The following LHFPL2 variants were observed in gnomAD, a reference collection of about 807,000 sequenced individuals.
The protein encoded by LHFPL2 is LHFPL tetraspan subfamily member 2, also known as LHFPL tetraspan subfamily member 2 protein.
A neutral mutation model predicts 17.5 loss-of-function variants in LHFPL2; 7 were observed. That is an observed-to-expected ratio of 0.40 (90% CI 0.23 to 0.75). The LOEUF is 0.75. Ranked by LOEUF, LHFPL2 falls within the 30% of genes least tolerant of loss-of-function variation. The pLI is 0.37. For synonymous variants in LHFPL2, 134 were observed against 116.2 expected (o/e 1.15, Z -0.99); for missense variants, 241 against 294.8 (o/e 0.82, Z 1.34).
At chr5:78,502,553 G>A (rs540218589) in intron 4 of LHFPL2, among the ~76,000 whole-genome samples, 10 of 152,270 alleles carry the variant, frequency 6.6e-5, no homozygotes, top group African/African-American at 2.4e-4. Context: ...TATGAAATAC[G>A]TTCTCCATAA....
At chr5:78,546,977 T>A (rs1712566149) in intron 3 of LHFPL2, among the ~76,000 whole-genome samples, 1 of 151,720 alleles carries the variant, frequency 6.6e-6, no homozygotes, top group Non-Finnish European at 1.5e-5. Context: ...CAACCCCAGT[T>A]CTGCATAGGA....
chr5:78,612,500 GTT>G (rs752463179), intron 2 of LHFPL2, among the ~76,000 whole-genome samples: 9 of 152,184 alleles, frequency 5.9e-5, no homozygotes, highest in Non-Finnish European at 1.2e-4. Context: ...AGAGAGGAGA[GTT>G]TGCTATAAAA....
chr5:78,631,431 T>C (rs952141422), intron 2 of LHFPL2, among the ~76,000 whole-genome samples: 1 of 152,136 alleles, frequency 6.6e-6, no homozygotes, highest in East Asian at 1.9e-4. Context: ...TTATTGAAAA[T>C]CTGCTCCATG....
chr5:78,518,119 G>C (rs1424760682), intron 3 of LHFPL2, among the ~76,000 whole-genome samples: 45 of 152,212 alleles, frequency 3.0e-4, no homozygotes, highest in Admixed American at 2.9e-3. Flanking sequence ...ATTAAAACTT[G>C]AATTTCAGGA....
chr5:78,620,969 CTTT>C (rs34853039), intron 2 of LHFPL2, among the ~76,000 whole-genome samples: 23 of 141,670 alleles, frequency 1.6e-4, no homozygotes, highest in Non-Finnish European at 2.3e-4. Flanking sequence ...TCTCAAACTC[CTTT>C]TTTTTTTTTT....
chr5:78,531,029 C>T (rs1263743819), intron 3 of LHFPL2, among the ~76,000 whole-genome samples: 2 of 152,180 alleles, frequency 1.3e-5, no homozygotes, highest in Non-Finnish European at 2.9e-5. Context: ...TAGAGTAGGA[C>T]TCAGCAGAGG....
chr5:78,576,687 CT>C (rs1318688709), intron 2 of LHFPL2, among the ~76,000 whole-genome samples: 1 of 152,228 alleles, frequency 6.6e-6, no homozygotes, highest in Non-Finnish European at 1.5e-5. Context: ...TTTTCTTTGA[CT>C]TTTCAATTCT....
chr5:78,595,182 T>A (rs1743781840), intron 2 of LHFPL2, among the ~76,000 whole-genome samples: 1 of 152,210 alleles, frequency 6.6e-6, no homozygotes, highest in Non-Finnish European at 1.5e-5. Context: ...TGTGCAGACA[T>A]CCCGCCTCCA....
At chr5:78,569,942 G>T (rs562977115) in intron 2 of LHFPL2, among the ~76,000 whole-genome samples, 1 of 152,224 alleles carries the variant, frequency 6.6e-6, no homozygotes, top group South Asian at 2.1e-4. Context: ...AGCCTATAAC[G>T]TGCCAGCCAC....
At chr5:78,513,227 G>A (rs1755190411) in intron 3 of LHFPL2, among the ~76,000 whole-genome samples, 1 of 152,154 alleles carries the variant, frequency 6.6e-6, no homozygotes, top group African/African-American at 2.4e-5. Flanking sequence ...TGAAGAAAAA[G>A]GCTGTAAAAG....
intron 4 of LHFPL2, among the ~76,000 whole-genome samples, chr5:78,492,968 A>T (rs16875506): frequency 2.3e-4 from 35 of 152,076 alleles, no homozygotes; most frequent in African/African-American, 8.2e-4. Context: ...TGCCCATCAC[A>T]GTTATCATTA....
At chr5:78,512,637 T>C (rs890064821) in intron 3 of LHFPL2, among the ~76,000 whole-genome samples, 3 of 151,982 alleles carry the variant, frequency 2.0e-5, no homozygotes, top group Non-Finnish European at 2.9e-5. Flanking sequence ...CACAAATACT[T>C]TGGGCCCACA....
Position 78,487,001 on chromosome 5 carries a change from T to G in LHFPL2, c.*1896A>C, listed in dbSNP as rs913008409. ...AGAGACAGAAGCTTTGTCCAGTGGC[T>G]CCTCCAGCCTCTTTCTGTGTGGTGT... On this transcript the variant is annotated 3_prime_UTR_variant, in exon 5 of 5. Coordinates refer to ENST00000380345, the MANE Select transcript of LHFPL2 (RefSeq NM_005779.3). 1 of 152,228 alleles carries G rather than the reference T, an allele frequency of 6.6e-6. No individual in the cohort carries two copies. The highest frequency in any genetic ancestry group is 1.5e-5 in the Non-Finnish European group (1 of 68,038). 9.4% of individuals were successfully genotyped at this position (152,228 alleles called of 1,614,324 possible). A position where few individuals can be genotyped will look rare whatever the true frequency, so the allele number is the denominator to read the frequency against.
chr5:78,531,922 G>A lies in LHFPL2; in HGVS notation c.-185-21524C>T, dbSNP rs556695933. Among the ~76,000 whole-genome samples, 7 of 150,132 alleles carry A rather than the reference G, an allele frequency of 4.7e-5. No homozygotes were observed. The South Asian group carries it at 6.4e-4, about 14-fold the overall frequency. ...GAGTACAAGCAGCACCACCATGCCC[G>A]GCTAATTTTTTTTTTTTTTTGAGAC... On this transcript the variant is annotated intron_variant, in intron 3 of 4. Transcript: ENST00000380345.
At chr5:78,562,109 T>G (rs1441324235) in intron 3 of LHFPL2, among the ~76,000 whole-genome samples, 2 of 152,198 alleles carry the variant, frequency 1.3e-5, no homozygotes, top group Admixed American at 1.3e-4. Flanking sequence ...TGATACCCAG[T>G]GCCAGGGAAC....
intron 3 of LHFPL2, among the ~76,000 whole-genome samples, chr5:78,521,763 T>C (rs368494705): frequency 3.3e-5 from 5 of 152,336 alleles, no homozygotes; most frequent in African/African-American, 1.2e-4. Context: ...ACACGTCCAC[T>C]TTCACTCCTC....
intron 3 of LHFPL2, among the ~76,000 whole-genome samples, chr5:78,562,556 A>T (rs1432863356): frequency 6.6e-6 from 1 of 151,722 alleles, no homozygotes; most frequent in African/African-American, 2.4e-5. Flanking sequence ...AACTACTTGA[A>T]CTGGGGAGGC....
At chr5:78,643,398 T>C (rs951102493) in intron 1 of LHFPL2, among the ~76,000 whole-genome samples, 3 of 152,228 alleles carry the variant, frequency 2.0e-5, no homozygotes, top group Non-Finnish European at 4.4e-5. Flanking sequence ...CTAAGACTCT[T>C]CTCTGGACAC....
intron 2 of LHFPL2, among the ~76,000 whole-genome samples, chr5:78,571,617 G>C (rs1264876781): frequency 6.6e-6 from 1 of 152,152 alleles, no homozygotes; most frequent in African/African-American, 2.4e-5. Flanking sequence ...CTAACAGAGG[G>C]TGAGGCAGGC....
Sources: allele counts gnomAD v4.1 joint callset (sites outside exome capture counted in the v4.1 genomes callset), GRCh38; gene constraint gnomAD v4.1.1; transcripts MANE v1.5; gene names NCBI Gene and HGNC (gene_info 2026-07-23, HGNC 2026-07-21).